Variants in GALNT9 observed in about 807,000 individuals in gnomAD.
GALNT9 encodes the protein GalNAc transferase 9.
GALNT9 carries 47 observed loss-of-function variants against 63.1 expected under a neutral mutation model. The observed-to-expected ratio is 0.75, with a 90% CI of 0.59 to 0.95. GALNT9 has a LOEUF of 0.95. Ranked by LOEUF, GALNT9 falls within the 40% of genes least tolerant of loss-of-function variation. GALNT9 has a pLI of 0.00. For missense variants in GALNT9, 829 were observed against 874.8 expected, an observed-to-expected ratio of 0.95 and a Z score of 0.66; for synonymous variants, 396 against 365.7, an observed-to-expected ratio of 1.08 and a Z score of -0.94.
chr12:132,201,533 C>A (rs923519243), intron 7 of GALNT9, among the ~76,000 whole-genome samples: 2 of 152,194 alleles, frequency 1.3e-5, no homozygotes, highest in Middle Eastern at 3.2e-3. Flanking sequence ...CTCGTCCACA[C>A]CCACCCGGGC....
intron 1 of GALNT9, among the ~76,000 whole-genome samples, chr12:132,305,422 C>T (rs868977929): frequency 3.0e-5 from 2 of 66,404 alleles, no homozygotes; most frequent in African/African-American, 1.5e-4. Flanking sequence ...CCCGGGCACA[C>T]CCTCACCCGG....
At position 132,286,158 on chromosome 12, in the gene GALNT9, C is replaced by T; in HGVS notation, c.419+92G>A. The T allele has an allele frequency of 2.9e-6, 4 of 1,362,936 alleles. No homozygotes were observed. The highest frequency in any genetic ancestry group is 3.9e-6 in the Non-Finnish European group (4 of 1,035,264). The allele number at this position is 1,362,936 out of a possible 1,614,324, so 84.4% of individuals were successfully genotyped here. ...GCGTGGGGGCCGCTCACTTCCCCGG[C>T]CGGCGTGGGGGGCAGTCACTTCCCT... On this transcript the variant is annotated intron_variant, in intron 2 of 10. Transcript: ENST00000328957. This position sits in a 1 kb window ranked among gnomAD's most constrained non-coding sequence, Gnocchi z 7.4.
chr12:132,204,854 G>T (rs148944321), intron 6 of GALNT9, among the ~76,000 whole-genome samples: 1 of 152,080 alleles, frequency 6.6e-6, no homozygotes, highest in Non-Finnish European at 1.5e-5. Flanking sequence ...AAGCTCCGCC[G>T]TGCTCAGGTC....
intron 2 of GALNT9, chr12:132,280,999 G>GC: frequency 6.5e-6 from 1 of 152,738 alleles, no homozygotes; most frequent in Non-Finnish European, 1.5e-5. Context: ...TCTGCAGCCA[G>GC]CCCCCTGCAG....
chr12:132,208,747 G>C (rs575841079), intron 6 of GALNT9, among the ~76,000 whole-genome samples: 1 of 152,174 alleles, frequency 6.6e-6, no homozygotes, highest in Non-Finnish European at 1.5e-5. Flanking sequence ...AGAGTTGTGG[G>C]CCAAGGAAAT....
In GALNT9 at chr12:132,319,020, G is replaced by A. The variant is rs1018468492; in HGVS notation, c.238+9946C>T. Among the ~76,000 whole-genome samples the A allele has an allele frequency of 3.9e-5, 6 of 152,202 alleles. No homozygotes were observed. Among genetic ancestry groups the A allele is most frequent in the Non-Finnish European group, 7.3e-5 (5 of 68,028 alleles). On this transcript the variant is annotated intron_variant, in intron 1 of 10. Transcript: ENST00000328957. The surrounding 1 kb of genome is among the most constrained non-coding windows in gnomAD (Gnocchi z 5.2). The stretch of plus-strand genomic sequence containing the variant: ...CACGGGTCCTTTGGACTTCGGCAGC[G>A]ACTCTCTGGGAGGGAGGAGCAGAGA...
chr12:132,286,738 G>T lies in GALNT9; in HGVS notation c.239-308C>A, dbSNP rs1880610488. 6.6e-6 allele frequency among the ~76,000 whole-genome samples: 1 copy of T among 152,114 alleles called. No homozygotes were observed. Among genetic ancestry groups the T allele is most frequent in the African/African-American group, 2.4e-5 (1 of 41,416 alleles). On this transcript the variant is annotated intron_variant, in intron 1 of 10. Coordinates refer to ENST00000328957, the MANE Select transcript of GALNT9 (RefSeq NM_001122636.2). The surrounding 1 kb of genome is among the most constrained non-coding windows in gnomAD (Gnocchi z 7.4). ...TTATTATTATGTATTTTTTGATTCA[G>T]GGTCTTGCTCTGTCACCCAGGCTGC... is the stretch of plus-strand genomic sequence containing the variant.
At chr12:132,267,811 A>G (rs1169310665) in intron 2 of GALNT9, among the ~76,000 whole-genome samples, 9 of 149,854 alleles carry the variant, frequency 6.0e-5, no homozygotes, top group African/African-American at 2.0e-4. Context: ...GCACTCACAC[A>G]CGCACTCACA....
chr12:132,202,594 G>T (rs1876242854), intron 7 of GALNT9, among the ~76,000 whole-genome samples: 1 of 151,966 alleles, frequency 6.6e-6, no homozygotes, highest in African/African-American at 2.4e-5. Flanking sequence ...ACAAAGCGCT[G>T]TATGTGGACA....
intron 4 of GALNT9, among the ~76,000 whole-genome samples, chr12:132,258,833 C>T (rs534668554): frequency 5.9e-5 from 9 of 152,266 alleles, no homozygotes; most frequent in South Asian, 2.1e-4. Flanking sequence ...GTGAGATGGC[C>T]GCAGAGGCCC....
chr12:132,252,881 C>CA lies in GALNT9; in HGVS notation c.959+4807dup, dbSNP rs1197193292. Among the ~76,000 whole-genome samples the CA allele has an allele frequency of 2.5e-3, 319 of 128,540 alleles. No individual in the cohort carries two copies. The highest frequency in any genetic ancestry group is 2.9e-3 in the African/African-American group (100 of 34,818). The allele number at this position is 128,540 out of a possible 152,430, so 84.3% of individuals were successfully genotyped here. A position where few individuals can be genotyped will look rare whatever the true frequency, so the allele number is the denominator to read the frequency against. On this transcript the variant is annotated intron_variant, in intron 5 of 10. Coordinates refer to ENST00000328957, the MANE Select transcript of GALNT9 (RefSeq NM_001122636.2). This position sits in a 1 kb window ranked among gnomAD's most constrained non-coding sequence, Gnocchi z 5.2. ...CTGGGCAACAACAGCGAAACTGCCT[C>CA]AAAAAAAAAAAAAGACACGGAGACC...
At chr12:132,287,100 C>T in intron 1 of GALNT9, among the ~76,000 whole-genome samples, 1 of 138,936 alleles carries the variant, frequency 7.2e-6, no homozygotes, top group South Asian at 2.7e-4. Flanking sequence ...CAGTGAGTCA[C>T]CTGCATCGGG....
intron 6 of GALNT9, among the ~76,000 whole-genome samples, chr12:132,241,767 C>A (rs1168535168): frequency 2.8e-5 from 1 of 35,702 alleles, no homozygotes; most frequent in Non-Finnish European, 6.0e-5. Context: ...CTTCCCGGGG[C>A]CCTCCCTATC....
At chr12:132,242,409 C>T (rs1200238054) in intron 6 of GALNT9, among the ~76,000 whole-genome samples, 1 of 17,568 alleles carries the variant, frequency 5.7e-5, no homozygotes, top group Non-Finnish European at 9.4e-5. Context: ...CTCCCTATAC[C>T]CATTACACAC....
chr12:132,301,709 C>G (rs1290471727), intron 1 of GALNT9, among the ~76,000 whole-genome samples: 1 of 152,260 alleles, frequency 6.6e-6, no homozygotes, highest in Non-Finnish European at 1.5e-5. Context: ...GGAGGCCAAG[C>G]CCTCCCTGGC....
chr12:132,303,405 ACCCTCACCCGG>A lies in GALNT9; in HGVS notation c.239-16986_239-16976del, dbSNP rs1566018994. 7.4e-3 allele frequency among the ~76,000 whole-genome samples: 1,088 copies of A among 146,310 alleles called. 34 individuals carry two copies. The highest frequency in any genetic ancestry group is 0.019 in the Admixed American group (269 of 14,394). On this transcript the variant is annotated intron_variant, in intron 1 of 10. Transcript: ENST00000328957. ...CCGGGGCACAGCCTCGCCCGGGCAC[ACCCTCACCCGG>A]GCACAGCCTCGCCCGGGCACACCCT...
At chr12:132,295,453 C>T (rs2135570005) in intron 1 of GALNT9, among the ~76,000 whole-genome samples, 1 of 151,646 alleles carries the variant, frequency 6.6e-6, no homozygotes, top group Non-Finnish European at 1.5e-5. Context: ...TGGAAACGGT[C>T]TTCGCTGACG....
chr12:132,310,169 C>T lies in GALNT9; in HGVS notation c.238+18797G>A, dbSNP rs572763590. 1.1e-4 allele frequency among the ~76,000 whole-genome samples: 16 copies of T among 152,338 alleles called. No homozygotes were observed. Among genetic ancestry groups the T allele is most frequent in the East Asian group, 3.9e-4 (2 of 5,180 alleles). On this transcript the variant is annotated intron_variant, in intron 1 of 10. Transcript: ENST00000328957. This position sits in a 1 kb window ranked among gnomAD's most constrained non-coding sequence, Gnocchi z 4.8. The stretch of plus-strand genomic sequence containing the variant: ...AGCAGCCAATGTGTGACCATGAGAC[C>T]GAATGCCTCCAGCAGGAGGGGAGGA...
At chr12:132,201,649 C>T (rs1373379540) in intron 7 of GALNT9, among the ~76,000 whole-genome samples, 3 of 152,042 alleles carry the variant, frequency 2.0e-5, no homozygotes, top group Admixed American at 6.5e-5. Flanking sequence ...TATCCAGAGA[C>T]CAGCCTGGTG....
Sources: allele counts gnomAD v4.1 joint callset (sites outside exome capture counted in the v4.1 genomes callset), GRCh38; gene constraint gnomAD v4.1.1; non-coding constraint Gnocchi (gnomAD v3.1); transcripts MANE v1.5; gene names NCBI Gene and HGNC (gene_info 2026-07-23, HGNC 2026-07-21).